The following RBFOX3 variants were observed in gnomAD, a reference collection of about 807,000 sequenced individuals.
RBFOX3 encodes RNA binding protein fox-1 homolog 3.
Under a neutral mutation model 48.7 loss-of-function variants are expected in RBFOX3, and 17 were observed. That is an observed-to-expected ratio of 0.35 (90% CI 0.24 to 0.52). The LOEUF is 0.52. Ranked by LOEUF, RBFOX3 falls within the 20% of genes least tolerant of loss-of-function variation. The pLI, the probability that RBFOX3 is intolerant of heterozygous loss-of-function variation, is 0.94. For missense variants in RBFOX3, 382 were observed against 497.5 expected (o/e 0.77, Z 2.21); for synonymous variants, 212 against 209.5 (o/e 1.01, Z -0.10).
chr17:79,281,891 C>G (rs955888699), intron 3 of RBFOX3, among the ~76,000 whole-genome samples: 1 of 152,160 alleles, frequency 6.6e-6, no homozygotes, highest in African/African-American at 2.4e-5. Flanking sequence ...AAGCCATCAT[C>G]GGGGAAACGA....
rs567120423 is a variant in RBFOX3, at chr17:79,242,068, T to A, written c.-73-6263A>T. Reference sequence around the variant, plus strand: ...TTCTTTCCTTCCATGTTTTCCTAAATGTGCAGTGACGGTGCTTGGACCTAG... The same window carrying A: ...TTCTTTCCTTCCATGTTTTCCTAAAAGTGCAGTGACGGTGCTTGGACCTAG... On this transcript the variant is annotated intron_variant, in intron 3 of 14. Coordinates refer to ENST00000693108, the MANE Select transcript of RBFOX3 (RefSeq NM_001350451.2). This position sits in a 1 kb window ranked among gnomAD's most constrained non-coding sequence, Gnocchi z 5.8. Among the ~76,000 whole-genome samples the A allele has an allele frequency of 4.6e-5, 7 of 152,344 alleles. No individual in the cohort carries two copies. Among genetic ancestry groups the A allele is most frequent in the Non-Finnish European group, 8.8e-5 (6 of 68,028 alleles).
chr17:79,140,311 T>G (rs557972135), intron 4 of RBFOX3, among the ~76,000 whole-genome samples: 1 of 152,344 alleles, frequency 6.6e-6, no homozygotes, highest in African/African-American at 2.4e-5. Context: ...GCCATTTCCA[T>G]CTCTCCACTC....
Position 79,512,268 on chromosome 17 carries a change from C to T in RBFOX3, c.-319-29670G>A, listed in dbSNP as rs538439603. 6.5e-4 allele frequency among the ~76,000 whole-genome samples: 90 copies of T among 139,504 alleles called. 1 individual carries two copies. Among genetic ancestry groups the T allele is most frequent in the Middle Eastern group, 5.4e-3 (1 of 184 alleles). 91.5% of individuals were successfully genotyped at this position (139,504 alleles called of 152,430 possible). A position where few individuals can be genotyped will look rare whatever the true frequency, so the allele number is the denominator to read the frequency against. On this transcript the variant is annotated intron_variant, in intron 1 of 14. Coordinates refer to ENST00000693108, the MANE Select transcript of RBFOX3 (RefSeq NM_001350451.2). ...TACAGTCCTATAGCCAGGGGATATACACCCGGATACATATTACCATCGGGT... is the reference window on the plus strand; with the variant it reads ...TACAGTCCTATAGCCAGGGGATATATACCCGGATACATATTACCATCGGGT...
intron 4 of RBFOX3, among the ~76,000 whole-genome samples, chr17:79,148,018 G>A (rs980034006): frequency 5.1e-5 from 7 of 137,722 alleles, no homozygotes; most frequent in East Asian, 1.9e-4. Flanking sequence ...GTGGGGCCCC[G>A]GGGGGAGGGC....
chr17:79,433,240 C>T (rs946962476), intron 2 of RBFOX3, among the ~76,000 whole-genome samples: 7 of 152,204 alleles, frequency 4.6e-5, no homozygotes, highest in African/African-American at 1.7e-4. Flanking sequence ...GGAGAGGTCC[C>T]GCCCTGGTCT....
At chr17:79,597,799 GC>G (rs1363307666) in intron 1 of RBFOX3, among the ~76,000 whole-genome samples, 1 of 152,196 alleles carries the variant, frequency 6.6e-6, no homozygotes, top group Non-Finnish European at 1.5e-5. Context: ...GGGCTGCAGG[GC>G]CCCCAAAGTG....
At chr17:79,593,236 T>A (rs2093473417) in intron 1 of RBFOX3, among the ~76,000 whole-genome samples, 1 of 152,092 alleles carries the variant, frequency 6.6e-6, no homozygotes. Flanking sequence ...CCCTGGCAGC[T>A]CCCAATCCTT....
At chr17:79,424,532 G>C (rs34237952) in intron 2 of RBFOX3, among the ~76,000 whole-genome samples, 35,816 of 152,092 alleles carry the variant, frequency 0.24, 4,326 homozygotes, top group Middle Eastern at 0.31. Flanking sequence ...TCTCCAGCTG[G>C]AGTCACCACT....
chr17:79,517,976 C>G (rs1341017782), intron 1 of RBFOX3, among the ~76,000 whole-genome samples: 1 of 152,136 alleles, frequency 6.6e-6, no homozygotes, highest in South Asian at 2.1e-4. Flanking sequence ...AGAAACCGAA[C>G]GAGACTCCCA....
the RBFOX3 span, among the ~76,000 whole-genome samples, chr17:79,656,704 GGAAGGAGA>G: frequency 4.3e-4 from 4 of 9,318 alleles, no homozygotes; most frequent in Non-Finnish European, 2.2e-3. Context: ...AAGGAAGGAA[GGAAGGAGA>G]GAGAGAGAGA....
At chr17:79,146,298 G>T (rs117691300) in intron 4 of RBFOX3, among the ~76,000 whole-genome samples, 1 of 152,148 alleles carries the variant, frequency 6.6e-6, no homozygotes, top group African/African-American at 2.4e-5. Flanking sequence ...TCCTACAGAC[G>T]CCCATCAGAG....
At chr17:79,175,460 G>A (rs915484773) in intron 4 of RBFOX3, among the ~76,000 whole-genome samples, 4 of 152,256 alleles carry the variant, frequency 2.6e-5, no homozygotes, top group Non-Finnish European at 5.9e-5. Context: ...TCACTCTCCT[G>A]GGATCTCCCG....
intron 2 of RBFOX3, among the ~76,000 whole-genome samples, chr17:79,383,542 G>A (rs763692665): frequency 1.3e-5 from 2 of 152,232 alleles, no homozygotes; most frequent in Non-Finnish European, 2.9e-5. Context: ...GAAGGAACAC[G>A]CATCCCTGGA....
At chr17:79,620,467 A>ACACGTGCACACACG in the RBFOX3 span, among the ~76,000 whole-genome samples, 1,052 of 145,476 alleles carry the variant, frequency 7.2e-3, 6 homozygotes, top group Non-Finnish European at 0.012. Context: ...ACACACATGC[A>ACACGTGCACACACG]CACGTGCACA....
intron 4 of RBFOX3, among the ~76,000 whole-genome samples, chr17:79,158,414 G>A (rs1280701425): frequency 6.6e-6 from 1 of 152,178 alleles, no homozygotes; most frequent in East Asian, 1.9e-4. Context: ...GTGGTGAGCC[G>A]GTTAAGATGT....
chr17:79,476,279 C>T (rs903070892), intron 2 of RBFOX3, among the ~76,000 whole-genome samples: 1 of 152,230 alleles, frequency 6.6e-6, no homozygotes, highest in African/African-American at 2.4e-5. Context: ...GGGGAACTCG[C>T]CCACAGCGCC....
At chr17:79,380,307 A>C (rs1330761982) in intron 2 of RBFOX3, among the ~76,000 whole-genome samples, 1 of 152,178 alleles carries the variant, frequency 6.6e-6, no homozygotes, top group Non-Finnish European at 1.5e-5. Flanking sequence ...GAACAATTCA[A>C]CTACGGCTCT....
At chr17:79,101,670 G>A (rs2076458289) in intron 8 of RBFOX3, 26 bp from the exon 9 acceptor site, 1 of 1,547,504 alleles carries the variant, frequency 6.5e-7, no homozygotes, top group Non-Finnish European at 8.7e-7. Context: ...AGGAGAGAGA[G>A]GAAGAGGGAG....
At chr17:79,620,116 T>A in the RBFOX3 span, among the ~76,000 whole-genome samples, 1 of 121,898 alleles carries the variant, frequency 8.2e-6, no homozygotes, top group African/African-American at 4.3e-5. Flanking sequence ...TGCACGCATA[T>A]GCACACATAC....
Sources: allele counts gnomAD v4.1 joint callset (sites outside exome capture counted in the v4.1 genomes callset), GRCh38; gene constraint gnomAD v4.1.1; non-coding constraint Gnocchi (gnomAD v3.1); transcripts MANE v1.5; gene names NCBI Gene and HGNC (gene_info 2026-07-23, HGNC 2026-07-21).